The following DLGAP5 variants were observed in gnomAD, a reference collection of about 807,000 sequenced individuals.
DLGAP5 encodes DLG associated protein 5.
In DLGAP5, 90 loss-of-function variants were observed where a neutral mutation model predicts 99.6. That is an observed-to-expected ratio of 0.90 (90% CI 0.76 to 1.08). The LOEUF is 1.08. Ranked by LOEUF, DLGAP5 falls within the 50% of genes least tolerant of loss-of-function variation. The pLI is 0.00. For synonymous variants in DLGAP5, 311 were observed against 321.3 expected (o/e 0.97, Z 0.34); for missense variants, 1,036 against 983.5 (o/e 1.05, Z -0.71).
At chr14:55,150,885 T>G in intron 17 of DLGAP5, 37 bp from the exon 18 acceptor site, 3 of 1,414,682 alleles carry the variant, frequency 2.1e-6, no homozygotes, top group Non-Finnish European at 2.9e-6. Context: ...TAAAGAATAT[T>G]CTCACATTCG....
At chr14:55,159,153 A>G (rs906261912) in intron 13 of DLGAP5, among the ~76,000 whole-genome samples, 4 of 152,198 alleles carry the variant, frequency 2.6e-5, no homozygotes, top group Non-Finnish European at 5.9e-5. Flanking sequence ...GCATCAGGAA[A>G]GGTTGTAGGA....
chr14:55,154,733 C>G lies in DLGAP5; in HGVS notation c.1947G>C (p.Gln649His), dbSNP rs1156878137. The change falls in exon 15 of 19, where the codon CAG becomes CAC. Residue 649 changes from glutamine to histidine, a missense_variant. Coordinates refer to ENST00000247191, the MANE Select transcript of DLGAP5 (RefSeq NM_014750.5). ...GTGGAATGCCCATCTCATTTCTACT[C>G]TGAGATACAGCTTTGTTGACAGACT... ...TPKSVNKAVS[Q>H]SRNEMGIPQQ... The G allele has an allele frequency of 4.3e-6, 7 of 1,614,098 alleles. No homozygotes were observed. Among genetic ancestry groups the G allele is most frequent in the Admixed American group, 1.7e-5 (1 of 60,020 alleles).
rs761771834 is a variant in DLGAP5 at position 55,183,795 on chromosome 14, T to A, written c.239-42A>T. On this transcript the variant is annotated intron_variant, in intron 2 of 18. Coordinates refer to ENST00000247191, the MANE Select transcript of DLGAP5 (RefSeq NM_014750.5). ...CCAAAACCACACAGTATATAAAACA[T>A]TTCAGATGAAAAGTTATGCAAATGT... The A allele has an allele frequency of 9.7e-6, 14 of 1,441,918 alleles. 1 individual carries two copies. The South Asian group carries it at 2.1e-4, about 21-fold the overall frequency. 89.3% of individuals were successfully genotyped at this position (1,441,918 alleles called of 1,614,324 possible). A position where few individuals can be genotyped will look rare whatever the true frequency, so the allele number is the denominator to read the frequency against.
intron 11 of DLGAP5, 33 bp downstream of exon 11, chr14:55,170,669 C>T (rs1882825860): frequency 6.4e-7 from 1 of 1,552,816 alleles, no homozygotes; most frequent in South Asian, 1.1e-5. Context: ...GTAAAAGAAA[C>T]AAAGCAAACA....
At chr14:55,153,451 G>T (rs909569960) in intron 15 of DLGAP5, among the ~76,000 whole-genome samples, 2 of 151,164 alleles carry the variant, frequency 1.3e-5, no homozygotes, top group Admixed American at 6.6e-5. Flanking sequence ...TGAGGCAGGA[G>T]AATCACTTGA....
At chr14:55,185,695 G>T (rs1261853453) in intron 2 of DLGAP5, among the ~76,000 whole-genome samples, 1 of 151,934 alleles carries the variant, frequency 6.6e-6, no homozygotes, top group Non-Finnish European at 1.5e-5. Flanking sequence ...TGTTGGACAG[G>T]CTGGTCTTGA....
At chr14:55,178,123 G>A (rs895820584) in intron 7 of DLGAP5, among the ~76,000 whole-genome samples, 5 of 151,240 alleles carry the variant, frequency 3.3e-5, no homozygotes, top group Non-Finnish European at 7.4e-5. Context: ...GTGGTGGCAG[G>A]CGCCTATAGT....
At position 55,148,723 on chromosome 14, in the gene DLGAP5, C is replaced by T. The variant is rs187063725; in HGVS notation, c.2419-250G>A. The T allele has an allele frequency of 5.5e-4, 317 of 579,248 alleles. 2 individuals carry two copies. Among genetic ancestry groups the T allele is most frequent in the African/African-American group, 5.2e-3 (278 of 53,154 alleles). The allele number at this position is 579,248 out of a possible 1,614,324, so 35.9% of individuals were successfully genotyped here. On this transcript the variant is annotated intron_variant, in intron 18 of 18. Coordinates refer to ENST00000247191, the MANE Select transcript of DLGAP5 (RefSeq NM_014750.5). ...AAACAAGAAACACGTAAACATTTTC[C>T]CTATATAACAATAAAATTATAAACA... is the stretch of plus-strand genomic sequence containing the variant.
rs762646354 is a variant in DLGAP5, at chr14:55,170,905, C to T, written c.1302-118G>A. ...TTATAAAAGGGAGCCACAATATTTT[C>T]CCAAAGTTGATACTGAATTATTTAT... On this transcript the variant is annotated intron_variant, in intron 10 of 18. Coordinates refer to ENST00000247191, the MANE Select transcript of DLGAP5 (RefSeq NM_014750.5). The T allele has an allele frequency of 5.7e-4, 385 of 680,676 alleles. 1 individual carries two copies. The Middle Eastern group carries it at 5.9e-3, about 10-fold the overall frequency. 42.2% of individuals were successfully genotyped at this position (680,676 alleles called of 1,614,324 possible).
At chr14:55,188,893 T>G in intron 2 of DLGAP5, 49 bp downstream of exon 2, 1 of 1,450,898 alleles carries the variant, frequency 6.9e-7, no homozygotes, top group Non-Finnish European at 9.5e-7. Flanking sequence ...TTAAACCAAC[T>G]ATTATTCACT....
chr14:55,186,255 G>A (rs1226403458), intron 2 of DLGAP5, among the ~76,000 whole-genome samples: 3 of 152,080 alleles, frequency 2.0e-5, no homozygotes, highest in Non-Finnish European at 4.4e-5. Context: ...TGGGCAAGAA[G>A]AGCAAAACTC....
intron 7 of DLGAP5, among the ~76,000 whole-genome samples, chr14:55,177,584 C>T (rs1405638073): frequency 6.6e-6 from 1 of 151,368 alleles, no homozygotes; most frequent in East Asian, 2.0e-4. Flanking sequence ...GTCGCCCAGG[C>T]TGGAGTGCAG....
intron 2 of DLGAP5, 26 bp from the exon 3 acceptor site, chr14:55,183,779 C>T (rs1883348473): frequency 2.0e-6 from 3 of 1,521,102 alleles, no homozygotes; most frequent in East Asian, 2.3e-5. Context: ...ACCAAAACCA[C>T]ACAGTATATA....
At chr14:55,158,875 T>C (rs1324682796) in intron 13 of DLGAP5, 134 bp from the exon 14 acceptor site, 5 of 657,218 alleles carry the variant, frequency 7.6e-6, no homozygotes, top group South Asian at 6.6e-5. Flanking sequence ...ACATTCATCA[T>C]ATATTTATCA....
chr14:55,152,310 G>T (rs1457405707), intron 16 of DLGAP5, among the ~76,000 whole-genome samples: 2 of 152,146 alleles, frequency 1.3e-5, no homozygotes, highest in Admixed American at 6.6e-5. Context: ...ACAAATGTGT[G>T]GCTATTACAA....
intron 8 of DLGAP5, 81 bp downstream of exon 8, chr14:55,176,981 A>G: frequency 3.9e-6 from 3 of 775,238 alleles, no homozygotes; most frequent in South Asian, 4.7e-5. Context: ...CGTCTGAAAA[A>G]AAAAAAAAAA....
chr14:55,182,922 A>C (rs1472205716), intron 3 of DLGAP5, among the ~76,000 whole-genome samples: 1 of 152,094 alleles, frequency 6.6e-6, no homozygotes, highest in African/African-American at 2.4e-5. Context: ...ATTTTTACTA[A>C]TATCTAGGTG....
At chr14:55,151,516 T>C (rs1335114853) in intron 17 of DLGAP5, among the ~76,000 whole-genome samples, 179 bp downstream of exon 17, 1 of 55,054 alleles carries the variant, frequency 1.8e-5, no homozygotes, top group East Asian at 5.0e-4. Flanking sequence ...AGAGTGAGAC[T>C]CCATCTCAAA....
intron 10 of DLGAP5, among the ~76,000 whole-genome samples, 161 bp downstream of exon 10, chr14:55,175,185 A>G (rs547893841): frequency 1.3e-5 from 2 of 152,366 alleles, no homozygotes; most frequent in African/African-American, 4.8e-5. Flanking sequence ...ATTAGGAACC[A>G]CATGAATGTA....
Sources: gnomAD v4.1 joint callset for allele counts (sites outside exome capture counted in the v4.1 genomes callset) on GRCh38, gnomAD v4.1.1 for gene constraint, MANE v1.5 for transcripts, NCBI Gene and HGNC (gene_info 2026-07-23, HGNC 2026-07-21) for gene names.